PACS1: variants seen among roughly 807,000 people sequenced by gnomAD.
PACS1 encodes the protein PACS-1.
In PACS1, 24 loss-of-function variants were observed where a neutral mutation model predicts 115.0. The ratio of observed to expected loss-of-function variants is 0.21; its 90% CI spans 0.15 to 0.29. The LOEUF (loss-of-function observed/expected upper bound fraction) is 0.29. Ranked by LOEUF, PACS1 falls within the 10% of genes least tolerant of loss-of-function variation. The pLI, the probability that PACS1 is intolerant of heterozygous loss-of-function variation, is 1.00. For missense variants in PACS1, 838 were observed against 1,251.2 expected (o/e 0.67, Z 4.98); for synonymous variants, 453 against 504.5 (o/e 0.90, Z 1.37).
chr11:66,190,630 C>T (rs1854497944), intron 1 of PACS1, among the ~76,000 whole-genome samples: 1 of 152,148 alleles, frequency 6.6e-6, no homozygotes, highest in South Asian at 2.1e-4. Flanking sequence ...TCAAGCAGTC[C>T]TCCCACCTCA....
intron 21 of PACS1, chr11:66,241,094 TTATATGTGTG>T (rs1565160779): frequency 2.4e-5 from 5 of 204,196 alleles, no homozygotes; most frequent in Non-Finnish European, 5.0e-5. Flanking sequence ...TGTGTGTGTG[TTATATGTGTG>T]TATATGTGTG....
At chr11:66,239,314 C>T in intron 21 of PACS1, 37 bp downstream of exon 21, 1 of 1,584,870 alleles carries the variant, frequency 6.3e-7, no homozygotes, top group South Asian at 1.1e-5. Context: ...GCCATGCCCT[C>T]CATCAGGCCC....
In PACS1 at chr11:66,233,108, C is replaced by T; in HGVS notation, c.1838+42C>T. On this transcript the variant is annotated intron_variant, in intron 15 of 23. Coordinates refer to ENST00000320580, the MANE Select transcript of PACS1 (RefSeq NM_018026.4). This position sits in a 1 kb window ranked among gnomAD's most constrained non-coding sequence, Gnocchi z 4.5. ...CCCTTCTCCTGCCCTTAGAGATTCCCTCTGACCTCATCTTCCAACCCTGAC... is the reference window on the plus strand; with the variant it reads ...CCCTTCTCCTGCCCTTAGAGATTCCTTCTGACCTCATCTTCCAACCCTGAC... 2 of 1,418,422 alleles carry T rather than the reference C, an allele frequency of 1.4e-6. No homozygotes were observed. Among genetic ancestry groups the T allele is most frequent in the Non-Finnish European group, 2.0e-6 (2 of 1,013,842 alleles). The allele number at this position is 1,418,422 out of a possible 1,614,324, so 87.9% of individuals were successfully genotyped here.
chr11:66,185,498 T>G (rs1860107482), intron 1 of PACS1, among the ~76,000 whole-genome samples: 1 of 152,190 alleles, frequency 6.6e-6, no homozygotes, highest in South Asian at 2.1e-4. Flanking sequence ...CCATTGTGTT[T>G]GAAATCCCTT....
At chr11:66,148,990 T>C (rs1031974831) in intron 1 of PACS1, among the ~76,000 whole-genome samples, 9 of 152,070 alleles carry the variant, frequency 5.9e-5, no homozygotes, top group African/African-American at 1.9e-4. Context: ...AGGTGTCCAC[T>C]TAACAGCTGC....
At chr11:66,186,423 A>C (rs1854376230) in intron 1 of PACS1, among the ~76,000 whole-genome samples, 1 of 152,152 alleles carries the variant, frequency 6.6e-6, no homozygotes, top group Admixed American at 6.5e-5. Context: ...CCCTCAACCT[A>C]GAACTTCTCA....
At chr11:66,133,629 G>A (rs1026659123) in intron 1 of PACS1, among the ~76,000 whole-genome samples, 2 of 152,132 alleles carry the variant, frequency 1.3e-5, no homozygotes, top group African/African-American at 4.8e-5. Context: ...TGTCCTCCAG[G>A]GTAGCAGGAA....
intron 2 of PACS1, among the ~76,000 whole-genome samples, chr11:66,201,566 C>T (rs971386045): frequency 2.6e-5 from 4 of 151,146 alleles, no homozygotes; most frequent in Admixed American, 2.6e-4. Context: ...CAAACCAAAC[C>T]CAAAATTAGT....
chr11:66,079,246 A>G (rs1430740191), intron 1 of PACS1, among the ~76,000 whole-genome samples: 1 of 140,754 alleles, frequency 7.1e-6, no homozygotes, highest in Non-Finnish European at 1.5e-5. Flanking sequence ...GCACTTCTGT[A>G]TCTGTCTGTG....
rs114730283 is a variant in PACS1 at position 66,216,572 on chromosome 11, A to G, written c.858A>G (p.Ser286=). ...NYSEEEEESF[S]SEQEGSDDPL... ...CTGAGGAAGAGGAAGAGAGTTTCTC[A>G]TCAGAACAGGAAGGCAGTGATGATC... Residue 286 remains serine, a synonymous_variant, in exon 6 of 24, where the codon TCA becomes TCG. Coordinates refer to ENST00000320580, the MANE Select transcript of PACS1 (RefSeq NM_018026.4). 1.9e-6 allele frequency: 3 copies of G among 1,614,044 alleles called. No individual in the cohort carries two copies. The highest frequency in any genetic ancestry group is 1.7e-5 in the Admixed American group (1 of 60,028).
rs1247319893 is a variant in PACS1, at chr11:66,233,842, G to A, written c.1896G>A (p.Gln632=). ...TGAAGGTGGCTGCTGTGGGAGGCCA[G>A]AGCTACCTGAGCTCCATCCTCAGGT... ...RPVKVAAVGG[Q]SYLSSILRFF... is the part of the protein sequence containing the mutation. Residue 632 remains glutamine, a synonymous_variant, in exon 16 of 24, where the codon CAG becomes CAA. Transcript: ENST00000320580. The surrounding 1 kb of genome is among the most constrained non-coding windows in gnomAD (Gnocchi z 4.5). 4.3e-6 allele frequency: 7 copies of A among 1,612,972 alleles called. No individual in the cohort carries two copies. The highest frequency in any genetic ancestry group is 5.9e-6 in the Non-Finnish European group (7 of 1,179,432).
At chr11:66,094,833 A>G (rs891443066) in intron 1 of PACS1, among the ~76,000 whole-genome samples, 2 of 152,196 alleles carry the variant, frequency 1.3e-5, no homozygotes, top group Admixed American at 6.5e-5. Flanking sequence ...CAGCACATCC[A>G]AAAGCTTATC....
At chr11:66,162,413 C>T (rs571707505) in intron 1 of PACS1, among the ~76,000 whole-genome samples, 28 of 152,262 alleles carry the variant, frequency 1.8e-4, no homozygotes, top group African/African-American at 6.3e-4. Context: ...TGAGCCACCG[C>T]GCCTGGCCTG....
intron 13 of PACS1, chr11:66,231,841 G>T: frequency 3.7e-6 from 1 of 267,546 alleles, no homozygotes; most frequent in Non-Finnish European, 7.2e-6. Context: ...TCCCTTCCTG[G>T]TTCTTACGCT....
intron 1 of PACS1, among the ~76,000 whole-genome samples, chr11:66,103,875 C>T (rs1240639355): frequency 2.0e-5 from 3 of 152,048 alleles, no homozygotes; most frequent in Non-Finnish European, 4.4e-5. Context: ...GTGTACTCAC[C>T]ACCCTGCTTT....
In PACS1 at chr11:66,244,437, A is replaced by T. The variant is rs1855880197; in HGVS notation, c.*1157A>T. The T allele has an allele frequency of 6.6e-6, 1 of 152,300 alleles. No individual in the cohort carries two copies. The highest frequency in any genetic ancestry group is 2.4e-5 in the African/African-American group (1 of 41,376). 9.4% of individuals were successfully genotyped at this position (152,300 alleles called of 1,614,324 possible). A position where few individuals can be genotyped will look rare whatever the true frequency, so the allele number is the denominator to read the frequency against. On this transcript the variant is annotated 3_prime_UTR_variant, in exon 24 of 24. Coordinates refer to ENST00000320580, the MANE Select transcript of PACS1 (RefSeq NM_018026.4). ...CTCATTCCTGACCGTCCGTGTTCTC[A>T]GGAGTGGTTGAGGACACAGGGCCCC...
intron 1 of PACS1, among the ~76,000 whole-genome samples, chr11:66,101,352 C>T (rs999934501): frequency 1.3e-5 from 2 of 152,284 alleles, no homozygotes; most frequent in African/African-American, 4.8e-5. Context: ...AATGTATATA[C>T]ACATACATAC....
chr11:66,165,946 C>T (rs1014361980), intron 1 of PACS1, among the ~76,000 whole-genome samples: 1 of 152,144 alleles, frequency 6.6e-6, no homozygotes. Flanking sequence ...GGCCACGCCA[C>T]AGCCTCCTAA....
intron 1 of PACS1, among the ~76,000 whole-genome samples, chr11:66,130,188 G>A (rs1314130164): frequency 2.0e-5 from 3 of 152,146 alleles, no homozygotes; most frequent in Non-Finnish European, 4.4e-5. Context: ...AATTTCAGCA[G>A]CATGACAAAT....
Sources: gnomAD v4.1 joint callset for allele counts (sites outside exome capture counted in the v4.1 genomes callset) on GRCh38, gnomAD v4.1.1 for gene constraint, Gnocchi (gnomAD v3.1) non-coding constraint, MANE v1.5 for transcripts, NCBI Gene and HGNC (gene_info 2026-07-23, HGNC 2026-07-21) for gene names.